Variants in ATP6V0A1 observed in about 807,000 individuals in gnomAD.
The protein encoded by ATP6V0A1 is V-type proton ATPase 116 kDa subunit a 1.
Under a neutral mutation model 105.4 loss-of-function variants are expected in ATP6V0A1, and 43 were observed. The ratio of observed to expected loss-of-function variants is 0.41; its 90% CI spans 0.32 to 0.53. The LOEUF (loss-of-function observed/expected upper bound fraction) is 0.53, where lower values mean the gene tolerates loss of function less well. Among genes scored for constraint, ATP6V0A1 ranks in the 20% least tolerant of loss-of-function variants. The pLI is 0.30. For synonymous variants in ATP6V0A1, 362 were observed against 372.8 expected (o/e 0.97, Z 0.33); for missense variants, 676 against 1,051.1 (o/e 0.64, Z 4.93).
chr17:42,503,176 C>T (rs528181396), intron 17 of ATP6V0A1, among the ~76,000 whole-genome samples: 22 of 152,314 alleles, frequency 1.4e-4, no homozygotes, highest in African/African-American at 5.3e-4. Context: ...CTCTTGGACT[C>T]ACCCACTTTC....
At chr17:42,459,515 C>T (rs528493458) in intron 1 of ATP6V0A1, among the ~76,000 whole-genome samples, 2 of 152,328 alleles carry the variant, frequency 1.3e-5, no homozygotes, top group Admixed American at 6.5e-5. Flanking sequence ...CTGTTAGCCT[C>T]CATTGCTATA....
intron 5 of ATP6V0A1, chr17:42,471,343 A>G (rs1173587703): frequency 1.4e-5 from 2 of 147,930 alleles, no homozygotes; most frequent in Non-Finnish European, 3.0e-5. Flanking sequence ...AATGGCGTGA[A>G]CCCGGGAGGC....
chr17:42,472,723 C>G (rs1567816118), intron 5 of ATP6V0A1, among the ~76,000 whole-genome samples: 1 of 146,484 alleles, frequency 6.8e-6, no homozygotes, highest in Non-Finnish European at 1.5e-5. Flanking sequence ...GACTCCATCT[C>G]AAAAAAAAAA....
chr17:42,477,824 C>A, intron 6 of ATP6V0A1, 82 bp downstream of exon 6: 1 of 1,152,400 alleles, frequency 8.7e-7, no homozygotes, highest in Non-Finnish European at 1.3e-6. Context: ...ACTGGGGATT[C>A]ACTTGCTACC....
At chr17:42,476,231 T>C (rs1340217626) in intron 5 of ATP6V0A1, among the ~76,000 whole-genome samples, 1 of 152,244 alleles carries the variant, frequency 6.6e-6, no homozygotes, top group Non-Finnish European at 1.5e-5. Context: ...ACAGTATTTC[T>C]CTGCACTTCT....
At chr17:42,513,265 T>G (rs892932926) in intron 19 of ATP6V0A1, among the ~76,000 whole-genome samples, 1 of 151,950 alleles carries the variant, frequency 6.6e-6, no homozygotes, top group African/African-American at 2.4e-5. Context: ...GGTGAAATCA[T>G]GTAGGGAAAA....
intron 21 of ATP6V0A1, among the ~76,000 whole-genome samples, chr17:42,516,466 C>T (rs2092631194): frequency 1.3e-5 from 2 of 152,178 alleles, no homozygotes; most frequent in Admixed American, 6.5e-5. Flanking sequence ...CTAAGCTTAT[C>T]AGCCGACCCC....
At chr17:42,517,511 A>G (rs1415734732) in intron 21 of ATP6V0A1, among the ~76,000 whole-genome samples, 1 of 152,130 alleles carries the variant, frequency 6.6e-6, no homozygotes, top group East Asian at 1.9e-4. Context: ...GGAGAGGAAA[A>G]AACAGTGCAA....
intron 2 of ATP6V0A1, among the ~76,000 whole-genome samples, chr17:42,464,639 A>T (rs2086825081): frequency 6.6e-6 from 1 of 152,068 alleles, no homozygotes; most frequent in East Asian, 1.9e-4. Flanking sequence ...TCCTGACCTC[A>T]TGAACTGCCC....
At chr17:42,488,015 A>G (rs1692450947) in intron 10 of ATP6V0A1, among the ~76,000 whole-genome samples, 1 of 152,146 alleles carries the variant, frequency 6.6e-6, no homozygotes, top group Non-Finnish European at 1.5e-5. Flanking sequence ...CTCTCTGTAT[A>G]TGACTGTTTC....
chr17:42,477,615 A>T (rs1432838320), intron 5 of ATP6V0A1, 45 bp from the exon 6 acceptor site: 1 of 1,600,600 alleles, frequency 6.2e-7, no homozygotes, highest in East Asian at 2.2e-5. Context: ...TTTTCATTAG[A>T]TATTAATTGA....
intron 21 of ATP6V0A1, among the ~76,000 whole-genome samples, chr17:42,517,038 G>C (rs2092654949): frequency 6.6e-6 from 1 of 152,224 alleles, no homozygotes; most frequent in Non-Finnish European, 1.5e-5. Flanking sequence ...CCAGCATTCT[G>C]GGAGGCTGAG....
intron 2 of ATP6V0A1, among the ~76,000 whole-genome samples, chr17:42,462,788 A>C (rs1015278076): frequency 6.6e-6 from 1 of 151,614 alleles, no homozygotes; most frequent in African/African-American, 2.4e-5. Context: ...ACATTAAGAA[A>C]AAAAATAGAG....
intron 9 of ATP6V0A1, among the ~76,000 whole-genome samples, chr17:42,483,787 G>A (rs1460935354): frequency 6.6e-6 from 1 of 152,020 alleles, no homozygotes; most frequent in African/African-American, 2.4e-5. Flanking sequence ...TCACCATGTT[G>A]GCCAGGCTGG....
At chr17:42,466,562 T>C in intron 3 of ATP6V0A1, 55 bp downstream of exon 3, 1 of 1,430,656 alleles carries the variant, frequency 7.0e-7, no homozygotes, top group Admixed American at 1.7e-5. Flanking sequence ...TTGTCTTAGA[T>C]TAGTGACATT....
intron 2 of ATP6V0A1, among the ~76,000 whole-genome samples, chr17:42,463,972 T>C (rs2086736885): frequency 6.6e-6 from 1 of 152,160 alleles, no homozygotes; most frequent in East Asian, 1.9e-4. Context: ...TTCATCCTTA[T>C]TGTCTTTATG....
At position 42,513,704 on chromosome 17, in the gene ATP6V0A1, T is replaced by C. The variant is rs7226224; in HGVS notation, c.2131-157T>C. 5.1e-3 allele frequency: 3,577 copies of C among 701,608 alleles called. 64 individuals carry two copies. The highest frequency in any genetic ancestry group is 0.036 in the African/African-American group (2,033 of 56,538). The allele number at this position is 701,608 out of a possible 1,614,324, so 43.5% of individuals were successfully genotyped here. ...CGAAATCACCACCTGAGCTCAACAC[T>C]GGGTGCTTCTGGCCCCTCCAGAGTT... On this transcript the variant is annotated intron_variant, in intron 19 of 21. Transcript: ENST00000343619.
At chr17:42,496,549 A>C (rs984636168) in intron 14 of ATP6V0A1, 4 of 152,108 alleles carry the variant, frequency 2.6e-5, no homozygotes, top group Admixed American at 2.6e-4. Flanking sequence ...GGAAAAAAAA[A>C]AATAATACAG....
At chr17:42,497,300 C>CA (rs1220778376) in intron 14 of ATP6V0A1, among the ~76,000 whole-genome samples, 7,112 of 57,124 alleles carry the variant, frequency 0.12, 301 homozygotes, top group East Asian at 0.22. Context: ...GACCCTGTCT[C>CA]AAAAAAAAAA....
Sources: gnomAD v4.1 joint callset for allele counts (sites outside exome capture counted in the v4.1 genomes callset) on GRCh38, gnomAD v4.1.1 for gene constraint, MANE v1.5 for transcripts, NCBI Gene and HGNC (gene_info 2026-07-23, HGNC 2026-07-21) for gene names.